The following CSMD1 variants were observed in gnomAD, a reference collection of about 807,000 sequenced individuals.
CSMD1 encodes the protein CUB and Sushi multiple domains 1.
In CSMD1, 213 loss-of-function variants were observed where a neutral mutation model predicts 417.5. That is an observed-to-expected ratio of 0.51 (90% CI 0.46 to 0.57). The LOEUF (loss-of-function observed/expected upper bound fraction) is 0.57. Ranked by LOEUF, CSMD1 falls within the 20% of genes least tolerant of loss-of-function variation. The probability of loss-of-function intolerance (pLI) is 0.00; values close to 1 mark genes in which losing one functional copy is unlikely to be tolerated. For missense variants in CSMD1, 6,923 were observed against 4,529.7 expected (o/e 1.53, Z -15.17); for synonymous variants, 2,862 against 1,736.8 (o/e 1.65, Z -16.11).
chr8:4,096,194 CACT>C (rs1462821150), intron 3 of CSMD1, among the ~76,000 whole-genome samples: 1 of 152,032 alleles, frequency 6.6e-6, no homozygotes, highest in Non-Finnish European at 1.5e-5. Context: ...AAAATGGAAC[CACT>C]GAGATGAAAC....
intron 8 of CSMD1, among the ~76,000 whole-genome samples, chr8:3,589,507 T>C (rs557113739): frequency 6.6e-6 from 1 of 152,198 alleles, no homozygotes; most frequent in African/African-American, 2.4e-5. Flanking sequence ...GAAATTATGC[T>C]AAGTAAAATG....
chr8:3,519,821 C>T (rs1445471770), intron 10 of CSMD1, among the ~76,000 whole-genome samples: 4 of 152,064 alleles, frequency 2.6e-5, no homozygotes, highest in Non-Finnish European at 5.9e-5. Context: ...ACTGTTACCT[C>T]TTCTTACCAT....
chr8:3,785,811 T>C (rs971966592), intron 5 of CSMD1, among the ~76,000 whole-genome samples: 3 of 152,146 alleles, frequency 2.0e-5, no homozygotes, highest in Non-Finnish European at 4.4e-5. Flanking sequence ...GGAAGAGCTA[T>C]GTTGAAGAGC....
intron 1 of CSMD1, among the ~76,000 whole-genome samples, chr8:4,868,202 T>C (rs1802528352): frequency 6.6e-6 from 1 of 152,166 alleles, no homozygotes; most frequent in Non-Finnish European, 1.5e-5. Flanking sequence ...GAAAAATGCC[T>C]GAGCCTACTC....
intron 3 of CSMD1, among the ~76,000 whole-genome samples, chr8:4,393,630 A>G (rs574967330): frequency 6.6e-6 from 1 of 152,148 alleles, no homozygotes; most frequent in South Asian, 2.1e-4. Flanking sequence ...TTAAATTATC[A>G]ATGTTGAAAA....
chr8:3,981,562 C>T (rs536523897), intron 5 of CSMD1, among the ~76,000 whole-genome samples: 132 of 149,950 alleles, frequency 8.8e-4, no homozygotes, highest in Non-Finnish European at 1.6e-3. Flanking sequence ...CTTTCCACAC[C>T]GTGTTCCATC....
At chr8:3,834,160 T>C (rs1802533631) in intron 5 of CSMD1, among the ~76,000 whole-genome samples, 1 of 152,220 alleles carries the variant, frequency 6.6e-6, no homozygotes, top group South Asian at 2.1e-4. Context: ...TATCTATATA[T>C]ACCTATTTTT....
intron 12 of CSMD1, among the ~76,000 whole-genome samples, chr8:3,448,620 G>T (rs113157815): frequency 3.3e-5 from 5 of 152,104 alleles, no homozygotes; most frequent in African/African-American, 1.2e-4. Flanking sequence ...GCCATGCAAA[G>T]GTGAGAGTGT....
chr8:4,698,663 A>G (rs1230266055), intron 1 of CSMD1, among the ~76,000 whole-genome samples: 1 of 150,816 alleles, frequency 6.6e-6, no homozygotes. Flanking sequence ...AGAAGACAGG[A>G]AGACAGAAGG....
At chr8:3,951,623 G>A (rs1425905406) in intron 5 of CSMD1, among the ~76,000 whole-genome samples, 1 of 151,886 alleles carries the variant, frequency 6.6e-6, no homozygotes, top group Non-Finnish European at 1.5e-5. Context: ...GGAAACAGCT[G>A]ACAAAAATAT....
At chr8:4,994,265 C>T (rs3860871) in intron 1 of CSMD1, 67 bp downstream of exon 1, 41 of 1,461,938 alleles carry the variant, frequency 2.8e-5, no homozygotes, top group Non-Finnish European at 3.9e-5. Context: ...AAAACGCACA[C>T]TCGCGTCCGC....
At position 2,978,601 on chromosome 8, in the gene CSMD1, C is replaced by A; in HGVS notation, c.8566+11G>T. ...GTCTCTGCACAGAAATTGGGAATAA[C>A]CCTGACTTACCCAAACACTTGGGCA... On this transcript the variant is annotated intron_variant, in intron 55 of 69. Coordinates refer to ENST00000635120, the MANE Select transcript of CSMD1 (RefSeq NM_033225.6). 2 of 1,570,924 alleles carry A rather than the reference C, an allele frequency of 1.3e-6. No homozygotes were observed. The highest frequency in any genetic ancestry group is 1.7e-6 in the Non-Finnish European group (2 of 1,157,718).
At chr8:4,899,197 A>G (rs1276072578) in intron 1 of CSMD1, among the ~76,000 whole-genome samples, 3 of 152,232 alleles carry the variant, frequency 2.0e-5, no homozygotes, top group Non-Finnish European at 2.9e-5. Flanking sequence ...TATATGTCCT[A>G]TCGGAAGAAA....
chr8:3,107,680 G>A (rs763983473), intron 45 of CSMD1, 38 bp downstream of exon 45: 23 of 1,177,970 alleles, frequency 2.0e-5, no homozygotes, highest in East Asian at 5.0e-5. Context: ...AAAAAATGTC[G>A]TGCTGAATTC....
rs1056392231 is a variant in CSMD1, at chr8:3,367,021, G to C, written c.3115+11C>G. The C allele has an allele frequency of 6.2e-7, 1 of 1,604,162 alleles. No homozygotes were observed. ...GCCAGAGGAGAGAAACAGCAAACAA[G>C]ACCAACATACCTGAAAATGTGATAT... On this transcript the variant is annotated intron_variant, in intron 20 of 69. Transcript: ENST00000635120.
chr8:4,447,712 A>C (rs548289235), intron 2 of CSMD1, among the ~76,000 whole-genome samples: 1 of 152,318 alleles, frequency 6.6e-6, no homozygotes, highest in African/African-American at 2.4e-5. Context: ...CTCATAGTTA[A>C]TAAAACCAAA....
chr8:3,248,100 G>A lies in CSMD1; in HGVS notation c.4154-17869C>T, dbSNP rs180780543. ...CCCATTGCTTTGGGAGCCCGAGGCA[G>A]GAGGATGACTTGAGGCCAGGAGTTT... is the stretch of plus-strand genomic sequence containing the variant. On this transcript the variant is annotated intron_variant, in intron 26 of 69. Transcript: ENST00000635120. Among the ~76,000 whole-genome samples, 25 of 152,316 alleles carry A rather than the reference G, an allele frequency of 1.6e-4. No individual in the cohort carries two copies. In the East Asian group the frequency reaches 1.7e-3, roughly 11 times the overall value.
intron 50 of CSMD1, among the ~76,000 whole-genome samples, chr8:3,034,090 C>A (rs1310400800): frequency 1.3e-5 from 2 of 152,240 alleles, no homozygotes; most frequent in African/African-American, 4.8e-5. Flanking sequence ...GTGGAGCTCT[C>A]TGGACCTTGC....
intron 7 of CSMD1, among the ~76,000 whole-genome samples, chr8:3,691,602 C>T (rs958784953): frequency 5.3e-5 from 8 of 152,252 alleles, no homozygotes; most frequent in African/African-American, 1.7e-4. Flanking sequence ...GGCTTCTATC[C>T]TATCCTAACA....
Sources: allele counts gnomAD v4.1 joint callset (sites outside exome capture counted in the v4.1 genomes callset), GRCh38; gene constraint gnomAD v4.1.1; transcripts MANE v1.5; gene names NCBI Gene and HGNC (gene_info 2026-07-23, HGNC 2026-07-21).